Variants in CLSTN2 observed in about 807,000 individuals in gnomAD.
The protein encoded by CLSTN2 is calsyntenin 2.
In CLSTN2, 48 loss-of-function variants were observed where a neutral mutation model predicts 101.2. That is an observed-to-expected ratio of 0.47 (90% CI 0.38 to 0.60). CLSTN2 has a LOEUF of 0.60. Ranked by LOEUF, CLSTN2 falls within the 20% of genes least tolerant of loss-of-function variation. The pLI, the probability that CLSTN2 is intolerant of heterozygous loss-of-function variation, is 0.00. For synonymous variants in CLSTN2, 481 were observed against 463.6 expected (o/e 1.04, Z -0.48); for missense variants, 1,160 against 1,238.2 (o/e 0.94, Z 0.95).
chr3:140,515,674 T>A (rs1934904616), intron 8 of CLSTN2, among the ~76,000 whole-genome samples: 1 of 152,136 alleles, frequency 6.6e-6, no homozygotes, highest in Non-Finnish European at 1.5e-5. Flanking sequence ...ATTAGAATGG[T>A]TTTGAGGGTT....
intron 6 of CLSTN2, among the ~76,000 whole-genome samples, chr3:140,455,699 C>T (rs990807981): frequency 1.3e-5 from 2 of 152,182 alleles, no homozygotes; most frequent in African/African-American, 4.8e-5. Context: ...AGTGCTGTAT[C>T]ATCACTGCAA....
chr3:139,935,614 C>A lies in CLSTN2; in HGVS notation c.109+131C>A. ...TGCCGCAGCTTCTTTGGCCTCTGTG[C>A]GCCCTGGATTCCCGAAGTCAGTTCC... On this transcript the variant is annotated intron_variant, in intron 1 of 16. Transcript: ENST00000458420. This position sits in a 1 kb window ranked among gnomAD's most constrained non-coding sequence, Gnocchi z 5.5. 1 of 433,666 alleles carries A rather than the reference C, an allele frequency of 2.3e-6. No individual in the cohort carries two copies. The highest frequency in any genetic ancestry group is 2.0e-5 in the African/African-American group (1 of 49,134). 26.9% of individuals were successfully genotyped at this position (433,666 alleles called of 1,614,324 possible). A position where few individuals can be genotyped will look rare whatever the true frequency, so the allele number is the denominator to read the frequency against.
intron 8 of CLSTN2, among the ~76,000 whole-genome samples, chr3:140,523,145 C>A (rs958078900): frequency 6.6e-6 from 1 of 151,918 alleles, no homozygotes. Context: ...ACAGAGCAGG[C>A]CTGGGCGTCT....
At chr3:139,959,748 T>C (rs556121598) in intron 1 of CLSTN2, among the ~76,000 whole-genome samples, 3 of 152,132 alleles carry the variant, frequency 2.0e-5, no homozygotes, top group South Asian at 4.2e-4. Flanking sequence ...CCCGCCCCCC[T>C]TTTTTTACTC....
At chr3:140,301,181 T>C (rs2087054958) in intron 2 of CLSTN2, among the ~76,000 whole-genome samples, 1 of 152,156 alleles carries the variant, frequency 6.6e-6, no homozygotes, top group South Asian at 2.1e-4. Flanking sequence ...TACCCAGAAA[T>C]AATGTTTAGT....
chr3:140,125,198 G>T (rs746693623), intron 1 of CLSTN2, among the ~76,000 whole-genome samples: 4 of 152,168 alleles, frequency 2.6e-5, no homozygotes, highest in Non-Finnish European at 5.9e-5. Flanking sequence ...TTTGAGAAAG[G>T]TTGCAGTGAA....
At chr3:140,063,505 C>T (rs1036361407) in intron 1 of CLSTN2, among the ~76,000 whole-genome samples, 3 of 152,144 alleles carry the variant, frequency 2.0e-5, no homozygotes, top group African/African-American at 7.2e-5. Context: ...ATTGCAGTCT[C>T]CAGGGCTCAC....
intron 1 of CLSTN2, among the ~76,000 whole-genome samples, chr3:140,093,975 C>A (rs1052768331): frequency 6.6e-6 from 1 of 152,098 alleles, no homozygotes; most frequent in Non-Finnish European, 1.5e-5. Flanking sequence ...GAACACTGCC[C>A]GGGGGAATCT....
At chr3:140,543,276 T>G (rs1049849577) in intron 9 of CLSTN2, among the ~76,000 whole-genome samples, 1 of 152,148 alleles carries the variant, frequency 6.6e-6, no homozygotes, top group South Asian at 2.1e-4. Flanking sequence ...TCAACAGAGA[T>G]GCCCTTTTGC....
chr3:140,244,762 A>AATATCTTATTAAC (rs2086500565), intron 2 of CLSTN2, among the ~76,000 whole-genome samples: 1 of 152,194 alleles, frequency 6.6e-6, no homozygotes, highest in African/African-American at 2.4e-5. Flanking sequence ...TATTTGTGTT[A>AATATCTTATTAAC]TACTGCATTT....
chr3:140,163,217 C>T (rs924856264), intron 1 of CLSTN2, among the ~76,000 whole-genome samples: 2 of 152,146 alleles, frequency 1.3e-5, no homozygotes, highest in African/African-American at 2.4e-5. Flanking sequence ...ACATTACTCT[C>T]ACTAACATGG....
chr3:140,484,977 G>A (rs978761958), intron 8 of CLSTN2, among the ~76,000 whole-genome samples: 4 of 152,050 alleles, frequency 2.6e-5, no homozygotes, highest in Non-Finnish European at 4.4e-5. Flanking sequence ...ATCATTCTCC[G>A]TCCAGCTTTG....
intron 1 of CLSTN2, among the ~76,000 whole-genome samples, chr3:140,073,547 C>T (rs1449374886): frequency 6.6e-6 from 1 of 152,186 alleles, no homozygotes; most frequent in Non-Finnish European, 1.5e-5. Flanking sequence ...ACCCCCTGCT[C>T]CTCATTCATG....
At position 140,069,344 on chromosome 3, in the gene CLSTN2, A is replaced by G. The variant is rs75229488; in HGVS notation, c.110-106607A>G. Among the ~76,000 whole-genome samples the G allele has an allele frequency of 7.1e-4, 108 of 152,296 alleles. 1 individual carries two copies. The highest frequency in any genetic ancestry group is 2.5e-3 in the African/African-American group (106 of 41,570). ...CTATCAGGAGCATCCTGGGTACAGC[A>G]TGACACCAAGACACCAGATCAATGG... On this transcript the variant is annotated intron_variant, in intron 1 of 16. Transcript: ENST00000458420.
intron 1 of CLSTN2, among the ~76,000 whole-genome samples, chr3:140,087,041 G>C (rs1361482667): frequency 1.3e-5 from 2 of 152,068 alleles, no homozygotes; most frequent in African/African-American, 4.8e-5. Context: ...TTTGGATTCA[G>C]GTCATTGCTT....
chr3:140,523,114 A>C (rs1935066251), intron 8 of CLSTN2, among the ~76,000 whole-genome samples: 1 of 151,318 alleles, frequency 6.6e-6, no homozygotes, highest in Non-Finnish European at 1.5e-5. Flanking sequence ...AACTGTGTGC[A>C]TTTGGACTTG....
intron 1 of CLSTN2, among the ~76,000 whole-genome samples, chr3:140,029,730 C>A (rs573928867): frequency 3.9e-5 from 6 of 152,194 alleles, no homozygotes; most frequent in Non-Finnish European, 7.4e-5. Context: ...TTAAATTTTT[C>A]CCAATATTTT....
chr3:140,181,304 T>G (rs563406545), intron 2 of CLSTN2, among the ~76,000 whole-genome samples: 2 of 152,210 alleles, frequency 1.3e-5, no homozygotes, highest in African/African-American at 4.8e-5. Flanking sequence ...TAAATCATAG[T>G]TGTGATAATC....
At chr3:140,426,039 C>T (rs1451218651) in intron 5 of CLSTN2, among the ~76,000 whole-genome samples, 2 of 152,220 alleles carry the variant, frequency 1.3e-5, no homozygotes, top group African/African-American at 4.8e-5. Context: ...GAAAGTGATG[C>T]ACCTGCAGCA....
Sources: allele counts gnomAD v4.1 joint callset (sites outside exome capture counted in the v4.1 genomes callset), GRCh38; gene constraint gnomAD v4.1.1; non-coding constraint Gnocchi (gnomAD v3.1); transcripts MANE v1.5; gene names NCBI Gene and HGNC (gene_info 2026-07-23, HGNC 2026-07-21).